The following RYR2 variants were observed in gnomAD, a reference collection of about 807,000 sequenced individuals.
RYR2 encodes the protein ryanodine receptor 2, also known as cardiac muscle ryanodine receptor-calcium release channel.
RYR2 carries 227 observed loss-of-function variants against 601.1 expected under a neutral mutation model. The observed-to-expected ratio is 0.38, with a 90% CI of 0.34 to 0.42. RYR2 has a LOEUF of 0.42. RYR2 is among the 10% of genes least tolerant of loss of function. The pLI is 1.00. For synonymous variants in RYR2, 2,223 were observed against 2,175.1 expected, an observed-to-expected ratio of 1.02 and a Z score of -0.61; for missense variants, 4,646 against 6,156.5, an observed-to-expected ratio of 0.75 and a Z score of 8.21.
At chr1:237,122,856 A>AT (rs1383896779) in intron 1 of RYR2, among the ~76,000 whole-genome samples, 6 of 32,502 alleles carry the variant, frequency 1.8e-4, no homozygotes, top group African/African-American at 3.3e-4. Context: ...CTTTTCAAAT[A>AT]ATTTCCTTGA....
intron 19 of RYR2, 109 bp from the exon 20 acceptor site, chr1:237,496,402 T>G: frequency 1.4e-6 from 2 of 1,461,432 alleles, no homozygotes; most frequent in Non-Finnish European, 1.9e-6. Context: ...AGCAAGACTC[T>G]GTCTCAATAA....
chr1:237,072,580 A>G (rs1033711134), intron 1 of RYR2, among the ~76,000 whole-genome samples: 2 of 152,146 alleles, frequency 1.3e-5, no homozygotes, highest in Admixed American at 1.3e-4. Flanking sequence ...TTATAAAGCT[A>G]CTTGTTGCAC....
At chr1:237,724,184 CATATAT>C (rs35705894) in intron 74 of RYR2, among the ~76,000 whole-genome samples, 1,708 of 136,940 alleles carry the variant, frequency 0.012, 20 homozygotes, top group African/African-American at 0.026. Context: ...TGTGTGTGTG[CATATAT>C]ATATATATAT....
intron 23 of RYR2, among the ~76,000 whole-genome samples, chr1:237,507,993 C>T (rs946955500): frequency 6.6e-6 from 1 of 152,084 alleles, no homozygotes; most frequent in African/African-American, 2.4e-5. Context: ...TATAGAGTTT[C>T]GCTCTTGTTA....
At chr1:237,596,336 A>G (rs751526764) in intron 34 of RYR2, among the ~76,000 whole-genome samples, 87 of 152,374 alleles carry the variant, frequency 5.7e-4, no homozygotes, top group South Asian at 1.0e-3. Context: ...GAGATATTCA[A>G]TGAAGAAATA....
chr1:237,195,862 C>T lies in RYR2; in HGVS notation c.49-74635C>T, dbSNP rs1237774810. Among the ~76,000 whole-genome samples the T allele has an allele frequency of 2.0e-5, 3 of 152,152 alleles. No homozygotes were observed. In the East Asian group the frequency reaches 5.8e-4, roughly 29 times the overall value. On this transcript the variant is annotated intron_variant, in intron 1 of 104. Coordinates refer to ENST00000366574, the MANE Select transcript of RYR2 (RefSeq NM_001035.3). ...GAAATTACCCGGGAAGTAATGAGCA[C>T]TCAACCGACGTTAACATTGCTTATT...
intron 27 of RYR2, among the ~76,000 whole-genome samples, chr1:237,553,186 G>C (rs1007439831): frequency 6.6e-6 from 1 of 151,962 alleles, no homozygotes; most frequent in African/African-American, 2.4e-5. Flanking sequence ...TTTCCTTCCA[G>C]AGTTTTATTA....
intron 24 of RYR2, among the ~76,000 whole-genome samples, chr1:237,530,039 C>T (rs559845772): frequency 7.2e-5 from 11 of 152,184 alleles, no homozygotes; most frequent in Admixed American, 2.0e-4. Flanking sequence ...TGACTGGGCG[C>T]GGTGGCTCAC....
Position 237,456,835 on chromosome 1 carries a change from G to T in RYR2, c.1612+100G>T, listed in dbSNP as rs538248577. 14 of 1,339,538 alleles carry T rather than the reference G, an allele frequency of 1.0e-5. No individual in the cohort carries two copies. The African/African-American group carries it at 2.0e-4, about 19-fold the overall frequency. 83.0% of individuals were successfully genotyped at this position (1,339,538 alleles called of 1,614,324 possible). ...CTCATGCCTGTAATTCCAGCAATTTGGGAGGCTGAGGTGGGAGGATCATTT... is the reference window on the plus strand; with the variant it reads ...CTCATGCCTGTAATTCCAGCAATTTTGGAGGCTGAGGTGGGAGGATCATTT... On this transcript the variant is annotated intron_variant, in intron 16 of 104. Transcript: ENST00000366574.
At chr1:237,827,219 G>C (rs790894) in intron 101 of RYR2, among the ~76,000 whole-genome samples, 39,265 of 152,056 alleles carry the variant, frequency 0.26, 5,539 homozygotes, top group East Asian at 0.61. Flanking sequence ...TTATAACTTC[G>C]AAGAAAGTGT....
intron 1 of RYR2, among the ~76,000 whole-genome samples, chr1:237,209,183 T>C (rs928196078): frequency 2.7e-5 from 4 of 150,900 alleles, no homozygotes; most frequent in Non-Finnish European, 4.4e-5. Flanking sequence ...GATTCAGCCA[T>C]ATGAAAAATA....
At chr1:237,568,825 C>A (rs1217685424) in intron 28 of RYR2, among the ~76,000 whole-genome samples, 1 of 152,084 alleles carries the variant, frequency 6.6e-6, no homozygotes, top group Non-Finnish European at 1.5e-5. Flanking sequence ...ATGATATATT[C>A]TAAAGGCATA....
intron 1 of RYR2, among the ~76,000 whole-genome samples, chr1:237,052,256 CT>C (rs1359964880): frequency 6.6e-6 from 1 of 152,076 alleles, no homozygotes; most frequent in Admixed American, 6.5e-5. Flanking sequence ...GAACAGTAAG[CT>C]TATGGTTCTA....
At chr1:237,045,155 T>C (rs759687005) in intron 1 of RYR2, among the ~76,000 whole-genome samples, 2 of 152,280 alleles carry the variant, frequency 1.3e-5, no homozygotes, top group East Asian at 1.9e-4. Context: ...ATCTGGATTA[T>C]TATCTTGAGC....
intron 1 of RYR2, among the ~76,000 whole-genome samples, chr1:237,134,385 C>T (rs999144617): frequency 6.6e-6 from 1 of 152,176 alleles, no homozygotes; most frequent in African/African-American, 2.4e-5. Flanking sequence ...CACAGTTCCA[C>T]GTGGCTGGGG....
chr1:237,088,978 G>A (rs999974342), intron 1 of RYR2, among the ~76,000 whole-genome samples: 30 of 151,984 alleles, frequency 2.0e-4, no homozygotes, highest in Admixed American at 9.2e-4. Context: ...TTCTATTCCC[G>A]AATAACAAAC....
At chr1:237,694,855 T>C (rs1354176294) in intron 63 of RYR2, among the ~76,000 whole-genome samples, 2 of 152,204 alleles carry the variant, frequency 1.3e-5, no homozygotes, top group Admixed American at 1.3e-4. Flanking sequence ...GCAATTTCTC[T>C]CTATTCCCTC....
intron 1 of RYR2, among the ~76,000 whole-genome samples, chr1:237,217,729 G>C (rs1351915949): frequency 2.0e-5 from 3 of 152,140 alleles, no homozygotes; most frequent in Non-Finnish European, 2.9e-5. Context: ...AGATAGTAGT[G>C]ATGACTGCTG....
rs374169425 is a variant in RYR2, at chr1:237,357,849, A to G, written c.294+1864A>G. ...AGTATTACTATCATGTCAGTGCTAA[A>G]ACATATTGATGCCAAAATACATGTT... is the stretch of plus-strand genomic sequence containing the variant. On this transcript the variant is annotated intron_variant, in intron 4 of 104. Transcript: ENST00000366574. Among the ~76,000 whole-genome samples, 53 of 152,324 alleles carry G rather than the reference A, an allele frequency of 3.5e-4. No individual in the cohort carries two copies. In the East Asian group the frequency reaches 5.0e-3, roughly 14 times the overall value.
Sources: allele counts gnomAD v4.1 joint callset (sites outside exome capture counted in the v4.1 genomes callset), GRCh38; gene constraint gnomAD v4.1.1; transcripts MANE v1.5; gene names NCBI Gene and HGNC (gene_info 2026-07-23, HGNC 2026-07-21).